The following ECI2 variants were observed in gnomAD, a reference collection of about 807,000 sequenced individuals.
The protein encoded by ECI2 is enoyl-CoA delta isomerase 2.
In ECI2, 27 loss-of-function variants were observed where a neutral mutation model predicts 38.4. The observed-to-expected ratio is 0.70, with a 90% confidence interval of 0.52 to 0.97. The LOEUF is 0.97. Ranked by LOEUF, ECI2 falls within the 50% of genes least tolerant of loss-of-function variation. ECI2 has a pLI of 0.00. For synonymous variants in ECI2, 168 were observed against 172.0 expected, an observed-to-expected ratio of 0.98 and a Z score of 0.18; for missense variants, 470 against 474.4, an observed-to-expected ratio of 0.99 and a Z score of 0.09.
chr6:4,115,998 T>G lies in ECI2; in HGVS notation c.1061A>C (p.Lys354Thr). The change falls in exon 10 of 10, where the codon AAA (lysine) becomes ACA (threonine). Residue 354 changes from lysine to threonine, a missense_variant. Lys to Thr is a moderately conservative substitution (Grantham distance 78). Coordinates refer to ENST00000380118, the MANE Select transcript of ECI2 (RefSeq NM_206836.3). ...ALRISKEVIR[K>T]REREKLHAVN... ...AGCGTGTAGTTTTTCTCTCTCTCTT[T>G]TCCTGATTACCTCTTTTGAAATTCT... 1.2e-6 allele frequency: 2 copies of G among 1,613,962 alleles called. No homozygotes were observed. The highest frequency in any genetic ancestry group is 1.7e-6 in the Non-Finnish European group (2 of 1,179,954).
At position 4,117,467 on chromosome 6, in the gene ECI2, A is replaced by G; in HGVS notation, c.886-16T>C. ...TCTCTGTTGCCTGAAATGAAAAGCA[A>G]GAAGCAAGGTTAAGATACTAACTTA... On this transcript the variant is annotated splice_polypyrimidine_tract_variant and intron_variant, in intron 8 of 9. Coordinates refer to ENST00000380118, the MANE Select transcript of ECI2 (RefSeq NM_206836.3). 2 of 1,609,154 alleles carry G rather than the reference A, an allele frequency of 1.2e-6. No homozygotes were observed. The highest frequency in any genetic ancestry group is 1.7e-6 in the Non-Finnish European group (2 of 1,178,816).
At chr6:4,120,682 A>G (rs1236448629) in intron 7 of ECI2, among the ~76,000 whole-genome samples, 1 of 151,866 alleles carries the variant, frequency 6.6e-6, no homozygotes, top group East Asian at 1.9e-4. Flanking sequence ...AGCCGAGATC[A>G]TGCCACTGTA....
chr6:4,121,088 C>T (rs1282920075), intron 7 of ECI2, among the ~76,000 whole-genome samples: 4 of 152,286 alleles, frequency 2.6e-5, no homozygotes, highest in African/African-American at 9.6e-5. Context: ...ATGAAAGTTC[C>T]AATTGCTCCA....
intron 7 of ECI2, 44 bp from the exon 8 acceptor site, chr6:4,119,319 ATT>A (rs34320283): frequency 0.26 from 299,885 of 1,146,660 alleles, 10,469 homozygotes; most frequent in African/African-American, 0.29. Flanking sequence ...TTCATGTGTG[ATT>A]TTTTTTTTTT....
chr6:4,133,400 A>G lies in ECI2; in HGVS notation c.213+149T>C, dbSNP rs1773582706. 7.5e-6 allele frequency: 6 copies of G among 804,466 alleles called. No homozygotes were observed. The East Asian group carries it at 1.7e-4, about 22-fold the overall frequency. 49.8% of individuals were successfully genotyped at this position (804,466 alleles called of 1,614,324 possible). On this transcript the variant is annotated intron_variant, in intron 2 of 9. Transcript: ENST00000380118. ...AAGGTCTAATATAAAAAACTGGCAT[A>G]TATATATATACACACACACACTCTT...
At chr6:4,124,656 G>T (rs78414485) in intron 7 of ECI2, among the ~76,000 whole-genome samples, 4 of 152,040 alleles carry the variant, frequency 2.6e-5, no homozygotes, top group African/African-American at 9.7e-5. Context: ...AGCTTTTCTT[G>T]GTACTTTTTC....
At chr6:4,131,991 C>T (rs973876673) in intron 2 of ECI2, among the ~76,000 whole-genome samples, 3 of 152,136 alleles carry the variant, frequency 2.0e-5, no homozygotes, top group Non-Finnish European at 4.4e-5. Flanking sequence ...ACACAGTCCA[C>T]AGGATAAGGG....
intron 8 of ECI2, 33 bp downstream of exon 8, chr6:4,119,151 CAT>C: frequency 1.3e-6 from 2 of 1,535,068 alleles, no homozygotes; most frequent in Non-Finnish European, 1.8e-6. Flanking sequence ...TGAGATGACT[CAT>C]AAAATTTTAT....
In ECI2 at chr6:4,126,097, G is replaced by A. The variant is rs750746876; in HGVS notation, c.674+38C>T. 1.8e-5 allele frequency: 28 copies of A among 1,535,272 alleles called. No individual in the cohort carries two copies. In the East Asian group the frequency reaches 2.2e-4, roughly 12 times the overall value. ...AAATACCACTTTGATGACTAAGAAC[G>A]GGCCCTCTGGGATCAGACAAAGGTC... is the stretch of plus-strand genomic sequence containing the variant. On this transcript the variant is annotated intron_variant, in intron 6 of 9. Coordinates refer to ENST00000380118, the MANE Select transcript of ECI2 (RefSeq NM_206836.3).
At chr6:4,123,303 T>C (rs1269996056) in intron 7 of ECI2, among the ~76,000 whole-genome samples, 1 of 151,772 alleles carries the variant, frequency 6.6e-6, no homozygotes, top group Non-Finnish European at 1.5e-5. Context: ...CAGCCTCCAA[T>C]GTAGCTGGGA....
At chr6:4,126,609 C>A (rs920646797) in intron 5 of ECI2, among the ~76,000 whole-genome samples, 1 of 152,172 alleles carries the variant, frequency 6.6e-6, no homozygotes, top group East Asian at 1.9e-4. Context: ...CACAAAGGAA[C>A]AGCCTGTGCA....
At chr6:4,124,414 C>T (rs1049519744) in intron 7 of ECI2, among the ~76,000 whole-genome samples, 1 of 152,190 alleles carries the variant, frequency 6.6e-6, no homozygotes, top group East Asian at 1.9e-4. Flanking sequence ...GTGGTAAAAA[C>T]CATATGCTCC....
At chr6:4,134,429 C>T (rs1773633660) in intron 1 of ECI2, among the ~76,000 whole-genome samples, 1 of 152,126 alleles carries the variant, frequency 6.6e-6, no homozygotes, top group Non-Finnish European at 1.5e-5. Context: ...GGGTGATCAG[C>T]ACGTTTTTAA....
intron 4 of ECI2, among the ~76,000 whole-genome samples, chr6:4,129,055 T>C (rs1773357077): frequency 6.6e-6 from 1 of 152,152 alleles, no homozygotes; most frequent in Non-Finnish European, 1.5e-5. Flanking sequence ...TTCCAACTGG[T>C]GAGACCAGGA....
At chr6:4,128,791 T>C (rs1773338961) in intron 4 of ECI2, among the ~76,000 whole-genome samples, 2 of 152,208 alleles carry the variant, frequency 1.3e-5, no homozygotes, top group Admixed American at 6.5e-5. Context: ...GGAGTGTATA[T>C]AGAGGTTATA....
rs138399027 is a variant in ECI2 at position 4,119,424 on chromosome 6, G to A, written c.796-149C>T. 2.9e-3 allele frequency: 1,591 copies of A among 548,608 alleles called. 25 individuals carry two copies. Among genetic ancestry groups the A allele is most frequent in the African/African-American group, 0.028 (1,444 of 51,596 alleles). The allele number at this position is 548,608 out of a possible 1,614,324, so 34.0% of individuals were successfully genotyped here. On this transcript the variant is annotated intron_variant, in intron 7 of 9. Transcript: ENST00000380118. Reference sequence around the variant, plus strand: ...CAACCTCCACCCCTTGGGTTCAAGCGATTCTCCTGCCTCAGCCTCCACAGC... The same window carrying A: ...CAACCTCCACCCCTTGGGTTCAAGCAATTCTCCTGCCTCAGCCTCCACAGC...
rs1334364685 is a variant in ECI2, at chr6:4,115,725, A to T, written c.*149T>A. 2.0e-5 allele frequency: 25 copies of T among 1,276,770 alleles called. No homozygotes were observed. In the East Asian group the frequency reaches 6.0e-4, roughly 31 times the overall value. 79.1% of individuals were successfully genotyped at this position (1,276,770 alleles called of 1,614,324 possible). The stretch of plus-strand genomic sequence containing the variant: ...TTAAGCTTGTTTTACAAAACTTTTT[A>T]TTCATCAGAGCTGTAGTGAAATATC... On this transcript the variant is annotated 3_prime_UTR_variant, in exon 10 of 10. Transcript: ENST00000380118.
intron 7 of ECI2, among the ~76,000 whole-genome samples, chr6:4,121,257 T>C (rs1772730055): frequency 1.3e-5 from 2 of 152,242 alleles, no homozygotes; most frequent in Admixed American, 1.3e-4. Context: ...TTTTCTTTGG[T>C]GAAGCAACTG....
Position 4,125,308 on chromosome 6 carries a change from G to T in ECI2, c.737C>A (p.Ala246Asp), listed in dbSNP as rs774680876. 1 of 1,614,174 alleles carries T rather than the reference G, an allele frequency of 6.2e-7. No homozygotes were observed. The change falls in exon 7 of 10, where the codon GCT (alanine) becomes GAT (aspartate). Residue 246 changes from alanine (A) to aspartate (D), a missense_variant. By Grantham distance (126) the Ala-to-Asp change is moderately radical (BLOSUM62 -2). Coordinates refer to ENST00000380118, the MANE Select transcript of ECI2 (RefSeq NM_206836.3). ...KPLIAVVNGP[A>D]VGISVTLLGL... ...AAGGAGGGTGACGGAGATGCCCACA[G>T]CTGGACCATTGACCACTGCAATCAG...
Sources: allele counts gnomAD v4.1 joint callset (sites outside exome capture counted in the v4.1 genomes callset), GRCh38; gene constraint gnomAD v4.1.1; transcripts MANE v1.5; gene names NCBI Gene and HGNC (gene_info 2026-07-23, HGNC 2026-07-21).